DACH1: variants seen among roughly 807,000 people sequenced by gnomAD.
DACH1 encodes dachshund homolog 1.
DACH1 carries 12 observed loss-of-function variants against 54.2 expected under a neutral mutation model. That is an observed-to-expected ratio of 0.22 (90% CI 0.14 to 0.36). The LOEUF is 0.36. DACH1 is among the 10% of genes least tolerant of loss of function. The probability of loss-of-function intolerance (pLI) is 1.00; values close to 1 mark genes in which losing one functional copy is unlikely to be tolerated. For synonymous variants in DACH1, 386 were observed against 366.2 expected (o/e 1.05, Z -0.62); for missense variants, 805 against 929.8 (o/e 0.87, Z 1.75).
chr13:71,609,699 A>G (rs1046751493), intron 3 of DACH1, among the ~76,000 whole-genome samples: 11 of 151,970 alleles, frequency 7.2e-5, no homozygotes, highest in African/African-American at 2.7e-4. Context: ...CTAACTTTGT[A>G]TATTTTTAGT....
chr13:71,855,031 G>A (rs1873909174), intron 1 of DACH1, among the ~76,000 whole-genome samples: 2 of 152,006 alleles, frequency 1.3e-5, no homozygotes, highest in African/African-American at 2.4e-5. Context: ...TTTCCTAGAT[G>A]ATCATGACTT....
chr13:71,557,123 G>T lies in DACH1; in HGVS notation c.1471C>A (p.Leu491Met). 6.2e-7 allele frequency: 1 copy of T among 1,611,888 alleles called. No homozygotes were observed. The highest frequency in any genetic ancestry group is 8.5e-7 in the Non-Finnish European group (1 of 1,179,080). ...AGTACATTTGGTGATAAGCCCATCA[G>T]CATCTGGTTCATGGACAACCCATTC... ...HQNGLSMNQM[L>M]MGLSPNVLPG... Residue 491 changes from leucine to methionine, a missense_variant, in exon 6 of 11, where the codon CTG becomes ATG. Around this residue, in one of 3 missense-constraint regions of DACH1, gnomAD observed 472 missense variants for 545.3 expected, o/e 0.87. Transcript: ENST00000613252.
chr13:71,581,933 C>T (rs1477785790), intron 3 of DACH1, among the ~76,000 whole-genome samples: 2 of 151,902 alleles, frequency 1.3e-5, no homozygotes, highest in African/African-American at 2.4e-5. Flanking sequence ...TGAGATGTTT[C>T]GGTAATAGTC....
chr13:71,526,565 G>A (rs781610154), intron 6 of DACH1, among the ~76,000 whole-genome samples: 1 of 151,942 alleles, frequency 6.6e-6, no homozygotes, highest in African/African-American at 2.4e-5. Context: ...TTTGAACTCA[G>A]AGAATTAGTG....
At chr13:71,658,227 T>C (rs1258425545) in intron 2 of DACH1, among the ~76,000 whole-genome samples, 1 of 152,202 alleles carries the variant, frequency 6.6e-6, no homozygotes, top group Admixed American at 6.5e-5. Flanking sequence ...ATTGTTTCAT[T>C]GAACATTATG....
rs143845962 is a variant in DACH1 at position 71,774,094 on chromosome 13, G to A, written c.848+91828C>T. Among the ~76,000 whole-genome samples, 26 of 152,082 alleles carry A rather than the reference G, an allele frequency of 1.7e-4. No individual in the cohort carries two copies. The East Asian group carries it at 4.5e-3, about 26-fold the overall frequency. ...ATGATATTCAGTGATGTGACTCCCT[G>A]GGTTAACATTGCCCTGAAGTGAAAT... On this transcript the variant is annotated intron_variant, in intron 1 of 10. Coordinates refer to ENST00000613252, the MANE Select transcript of DACH1 (RefSeq NM_080759.6).
At chr13:71,522,398 G>T (rs932702609) in intron 6 of DACH1, among the ~76,000 whole-genome samples, 1 of 151,902 alleles carries the variant, frequency 6.6e-6, no homozygotes, top group Admixed American at 6.6e-5. Context: ...CCACCACGCC[G>T]CACCTCCCTA....
chr13:71,815,522 G>A (rs1162715134), intron 1 of DACH1, among the ~76,000 whole-genome samples: 1 of 152,010 alleles, frequency 6.6e-6, no homozygotes, highest in Non-Finnish European at 1.5e-5. Flanking sequence ...AAAGACAACT[G>A]GGCATTTCAG....
intron 1 of DACH1, among the ~76,000 whole-genome samples, chr13:71,786,633 T>C (rs1441099074): frequency 1.3e-5 from 2 of 152,124 alleles, no homozygotes; most frequent in Non-Finnish European, 2.9e-5. Context: ...TTTAATCATA[T>C]AAGAATGGCT....
At chr13:71,612,316 A>G (rs1261920788) in intron 3 of DACH1, among the ~76,000 whole-genome samples, 2 of 152,088 alleles carry the variant, frequency 1.3e-5, no homozygotes, top group Non-Finnish European at 2.9e-5. Flanking sequence ...CAATAATGTA[A>G]TTATATAAAC....
At position 71,440,889 on chromosome 13, in the gene DACH1, C is replaced by A. The variant is rs141462629; in HGVS notation, c.2084-197G>T. On this transcript the variant is annotated intron_variant, in intron 10 of 10. Coordinates refer to ENST00000613252, the MANE Select transcript of DACH1 (RefSeq NM_080759.6). ...TGAGTTTATGTGACTGAAAAGAATA[C>A]AGCATTTCTACTTCTCATAAATATA... 2.5e-4 allele frequency among the ~76,000 whole-genome samples: 38 copies of A among 152,064 alleles called. No individual in the cohort carries two copies. Among genetic ancestry groups the A allele is most frequent in the African/African-American group, 8.9e-4 (37 of 41,528 alleles).
chr13:71,587,724 T>C (rs1291454079), intron 3 of DACH1, among the ~76,000 whole-genome samples: 2 of 152,078 alleles, frequency 1.3e-5, no homozygotes, highest in Non-Finnish European at 2.9e-5. Flanking sequence ...TATCACCAGA[T>C]AAAAGCCAGC....
intron 1 of DACH1, among the ~76,000 whole-genome samples, chr13:71,692,486 C>CT (rs1445385208): frequency 1.2e-5 from 1 of 86,360 alleles, no homozygotes; most frequent in East Asian, 4.1e-4. Flanking sequence ...TCTTTCCTTT[C>CT]TTTTTCTTTC....
chr13:71,468,483 G>A (rs747688889), intron 10 of DACH1, among the ~76,000 whole-genome samples: 8 of 152,210 alleles, frequency 5.3e-5, no homozygotes, highest in Middle Eastern at 3.4e-3. Flanking sequence ...TTCCCACACC[G>A]ATCTTAAAAG....
intron 1 of DACH1, among the ~76,000 whole-genome samples, chr13:71,737,573 A>G (rs1884195245): frequency 6.6e-6 from 1 of 152,238 alleles, no homozygotes; most frequent in Non-Finnish European, 1.5e-5. Context: ...AATTTTAAAA[A>G]GTTAGATTGA....
At chr13:71,860,209 G>C (rs1874259531) in intron 1 of DACH1, among the ~76,000 whole-genome samples, 1 of 149,910 alleles carries the variant, frequency 6.7e-6, no homozygotes, top group Non-Finnish European at 1.5e-5. Context: ...GTAGTATTTA[G>C]ACATACGTAT....
At chr13:71,695,163 T>A (rs1881758089) in intron 1 of DACH1, among the ~76,000 whole-genome samples, 1 of 152,214 alleles carries the variant, frequency 6.6e-6, no homozygotes, top group African/African-American at 2.4e-5. Flanking sequence ...TTTAATTTCA[T>A]TGCTTGTTAG....
chr13:71,847,249 C>A (rs913177201), intron 1 of DACH1, among the ~76,000 whole-genome samples: 1 of 152,056 alleles, frequency 6.6e-6, no homozygotes, highest in African/African-American at 2.4e-5. Flanking sequence ...ATATAAAAAT[C>A]TAAAACATAT....
intron 1 of DACH1, among the ~76,000 whole-genome samples, chr13:71,778,300 T>C (rs537208056): frequency 1.4e-4 from 21 of 152,126 alleles, no homozygotes; most frequent in African/African-American, 5.1e-4. Context: ...AACTCACTAA[T>C]TTCTTGATAC....
Sources: gnomAD v4.1 joint callset for allele counts (sites outside exome capture counted in the v4.1 genomes callset) on GRCh38, gnomAD v4.1.1 for gene constraint, gnomAD v4.1.1 regional missense constraint, MANE v1.5 for transcripts, NCBI Gene and HGNC (gene_info 2026-07-23, HGNC 2026-07-21) for gene names.